Variants in CCDC157 observed in about 807,000 individuals in gnomAD.
CCDC157 encodes the protein coiled-coil domain-containing protein 157.
In CCDC157, 60 loss-of-function variants were observed where a neutral mutation model predicts 70.9. The ratio of observed to expected loss-of-function variants is 0.85; its 90% CI spans 0.69 to 1.05. The LOEUF is 1.05. Ranked by LOEUF, CCDC157 falls within the 50% of genes least tolerant of loss-of-function variation. CCDC157 has a pLI of 0.00. For missense variants in CCDC157, 943 were observed against 984.2 expected, an observed-to-expected ratio of 0.96 and a Z score of 0.56; for synonymous variants, 373 against 422.4, an observed-to-expected ratio of 0.88 and a Z score of 1.43.
chr22:30,356,650 G>T, upstream of CCDC157: 1 of 1,131,150 alleles, frequency 8.8e-7, no homozygotes. Flanking sequence ...CTTCATAGCG[G>T]CCGGCCGCTT....
chr22:30,364,619 A>G (rs1437809701), intron 2 of CCDC157, among the ~76,000 whole-genome samples: 1 of 152,154 alleles, frequency 6.6e-6, no homozygotes, highest in African/African-American at 2.4e-5. Flanking sequence ...CCTGGCCAAC[A>G]TGGAGAAACT....
chr22:30,373,818 C>A, intron 8 of CCDC157, 54 bp downstream of exon 8: 2 of 1,533,960 alleles, frequency 1.3e-6, no homozygotes, highest in Non-Finnish European at 1.8e-6. Flanking sequence ...AACTGAGTGC[C>A]TGCAGGCCTG....
rs966694679 is a variant in CCDC157, at chr22:30,376,510, G to A, written c.2024G>A (p.Arg675Gln). The change falls in exon 12 of 12, where the codon CGG becomes CAG. Residue 675 changes from arginine to glutamine, a missense_variant. Arg to Gln is a conservative substitution (Grantham distance 43). Transcript: ENST00000338306. ...LLGQPCTSPP[R>Q]QPCTSPPRQP... ...GGCCAGCCCTGCACATCCCCACCTC[G>A]GCAGCCCTGCACATCCCCACCTCGG... 1.2e-6 allele frequency: 2 copies of A among 1,607,510 alleles called. No homozygotes were observed. The highest frequency in any genetic ancestry group is 2.3e-5 in the East Asian group (1 of 43,238).
chr22:30,356,769 C>A, upstream of CCDC157: 1 of 1,470,156 alleles, frequency 6.8e-7, no homozygotes. Flanking sequence ...GCGGGGGCAC[C>A]GCCTGCACGG....
rs1207461421 is a variant in CCDC157, at chr22:30,373,683, G to A, written c.1422G>A (p.Glu474=). ...AGGAGCTGCGGGGCAGCCTGGACGA[G>A]GCTGAGGCCCAGCGGGCCCGCGTGG... ...EREELRGSLD[E]AEAQRARVEE... Residue 474 remains glutamate, a synonymous_variant, in exon 8 of 12, where the codon GAG becomes GAA. Transcript: ENST00000338306. 12 of 1,555,212 alleles carry A rather than the reference G, an allele frequency of 7.7e-6. No individual in the cohort carries two copies. The highest frequency in any genetic ancestry group is 1.0e-5 in the Non-Finnish European group (12 of 1,149,628).
At chr22:30,371,129 C>A in intron 5 of CCDC157, 179 bp downstream of exon 5, 1 of 748,420 alleles carries the variant, frequency 1.3e-6, no homozygotes, top group Non-Finnish European at 2.1e-6. Flanking sequence ...CCGGTGGTGA[C>A]ACTGTGATCT....
At chr22:30,369,675 T>G in intron 4 of CCDC157, 72 bp downstream of exon 4, 1 of 1,233,188 alleles carries the variant, frequency 8.1e-7, no homozygotes, top group Non-Finnish European at 1.1e-6. Flanking sequence ...CCTTCACACC[T>G]CGCCCCAGCT....
At position 30,370,655 on chromosome 22, in the gene CCDC157, C is replaced by G. The variant is rs576941883; in HGVS notation, c.750C>G (p.Ser250=). 1 of 1,613,960 alleles carries G rather than the reference C, an allele frequency of 6.2e-7. No individual in the cohort carries two copies. The highest frequency in any genetic ancestry group is 2.2e-5 in the East Asian group (1 of 44,874). ...SLCQSQNLPS[S]LGQFQQLVQD... ...GTCAGAGCCAGAACCTGCCCTCGTC[C>G]TTAGGCCAGTTCCAGCAACTGGTGC... Residue 250 remains serine (S), a synonymous_variant, in exon 5 of 12, where the codon TCC becomes TCG. Coordinates refer to ENST00000338306, the MANE Select transcript of CCDC157 (RefSeq NM_001017437.5).
chr22:30,364,293 G>T (rs994589281), intron 2 of CCDC157, among the ~76,000 whole-genome samples: 4 of 151,096 alleles, frequency 2.6e-5, no homozygotes, highest in African/African-American at 9.9e-5. Flanking sequence ...AGCTGTGAGG[G>T]TGCCACTGCA....
intron 9 of CCDC157, 41 bp from the exon 10 acceptor site, chr22:30,375,438 T>C (rs1336561877): frequency 6.2e-7 from 1 of 1,603,858 alleles, no homozygotes; most frequent in Admixed American, 1.7e-5. Flanking sequence ...CTGCCCAAGC[T>C]GGTGTGCCTC....
intron 2 of CCDC157, among the ~76,000 whole-genome samples, chr22:30,364,480 T>G (rs977305199): frequency 6.6e-6 from 1 of 152,182 alleles, no homozygotes; most frequent in African/African-American, 2.4e-5. Flanking sequence ...TGGACATCTA[T>G]TATGCATCAG....
chr22:30,356,867 G>A, upstream of CCDC157: 7 of 1,213,248 alleles, frequency 5.8e-6, no homozygotes, highest in Non-Finnish European at 7.3e-6. Flanking sequence ...CTCCCCGCTC[G>A]GTCAGTACGA....
At chr22:30,373,211 G>C (rs1373882072) in intron 7 of CCDC157, 1 of 219,294 alleles carries the variant, frequency 4.6e-6, no homozygotes, top group Non-Finnish European at 9.3e-6. Flanking sequence ...GTTAGGAAAT[G>C]TGGGCTTCAG....
At chr22:30,364,585 G>A (rs113896475) in intron 2 of CCDC157, among the ~76,000 whole-genome samples, 4,130 of 152,248 alleles carry the variant, frequency 0.027, 187 homozygotes, top group African/African-American at 0.095. Context: ...AAGGTGGATG[G>A]ATCACTTGAG....
At chr22:30,375,355 T>TA (rs1601749426) in intron 9 of CCDC157, 124 bp from the exon 10 acceptor site, 1 of 846,424 alleles carries the variant, frequency 1.2e-6, no homozygotes, top group Non-Finnish European at 1.9e-6. Flanking sequence ...GAAGGGGGAA[T>TA]AAGGCCTCGG....
At chr22:30,375,281 G>C (rs1169201927) in intron 9 of CCDC157, 198 bp from the exon 10 acceptor site, 2 of 564,992 alleles carry the variant, frequency 3.5e-6, no homozygotes, top group Non-Finnish European at 6.2e-6. Flanking sequence ...GAGAGCTCTA[G>C]GTCCCACCCA....
In CCDC157 at chr22:30,372,269, A is replaced by C. The variant is rs755599672; in HGVS notation, c.1318A>C (p.Met440Leu). Reference protein sequence around the residue: ...LDKEKARVDSMVRHQESLQAK... With the variant: ...LDKEKARVDSLVRHQESLQAK... Reference sequence around the variant, plus strand: ...TAAGGAGAAGGCCCGTGTCGACAGCATGGTCCGCCACCAGGAGGTGAGGCC... The same window carrying C: ...TAAGGAGAAGGCCCGTGTCGACAGCCTGGTCCGCCACCAGGAGGTGAGGCC... The change falls in exon 7 of 12, where the codon ATG (methionine) becomes CTG (leucine). Residue 440 changes from methionine (M) to leucine (L), a missense_variant. By Grantham distance (15) the Met-to-Leu change is conservative. Transcript: ENST00000338306. 4 of 1,576,972 alleles carry C rather than the reference A, an allele frequency of 2.5e-6. No homozygotes were observed. In the South Asian group the frequency reaches 4.6e-5, roughly 18 times the overall value.
intron 1 of CCDC157, among the ~76,000 whole-genome samples, chr22:30,357,511 T>C (rs557023910): frequency 6.6e-6 from 1 of 152,226 alleles, no homozygotes; most frequent in South Asian, 2.1e-4. Context: ...TCTTTCTTTT[T>C]TCTTTTTTTC....
At chr22:30,364,630 C>G (rs922765161) in intron 2 of CCDC157, among the ~76,000 whole-genome samples, 1 of 151,998 alleles carries the variant, frequency 6.6e-6, no homozygotes, top group Non-Finnish European at 1.5e-5. Context: ...TGGAGAAACT[C>G]TATCTCTACT....
Sources: gnomAD v4.1 joint callset for allele counts (sites outside exome capture counted in the v4.1 genomes callset) on GRCh38, gnomAD v4.1.1 for gene constraint, MANE v1.5 for transcripts, NCBI Gene and HGNC (gene_info 2026-07-23, HGNC 2026-07-21) for gene names.